Variants in TRPV2 observed in about 807,000 individuals in gnomAD.
The protein encoded by TRPV2 is OTRPC2.
Under a neutral mutation model 91.0 loss-of-function variants are expected in TRPV2, and 58 were observed. That is an observed-to-expected ratio of 0.64 (90% CI 0.52 to 0.79). The LOEUF is 0.79. Ranked by LOEUF, TRPV2 falls within the 30% of genes least tolerant of loss-of-function variation. TRPV2 has a pLI of 0.00. For missense variants in TRPV2, 807 were observed against 969.6 expected, an observed-to-expected ratio of 0.83 and a Z score of 2.23; for synonymous variants, 417 against 414.8, an observed-to-expected ratio of 1.01 and a Z score of -0.06.
intron 10 of TRPV2, among the ~76,000 whole-genome samples, chr17:16,430,114 C>T (rs187404441): frequency 4.0e-4 from 61 of 152,284 alleles, no homozygotes; most frequent in African/African-American, 1.4e-3. Flanking sequence ...ATCCGCCTGC[C>T]TTGGCCTCCC....
chr17:16,431,292 T>TA (rs1491493192), intron 10 of TRPV2, among the ~76,000 whole-genome samples: 2,015 of 15,878 alleles, frequency 0.13, 46 homozygotes, highest in African/African-American at 0.16. Flanking sequence ...TATATACATA[T>TA]TTTTTTTTTT....
In TRPV2 at chr17:16,423,629, C is replaced by T; in HGVS notation, c.786C>T (p.Asn262=). 1 of 1,613,810 alleles carries T rather than the reference C, an allele frequency of 6.2e-7. No homozygotes were observed. Among genetic ancestry groups the T allele is most frequent in the Non-Finnish European group, 8.5e-7 (1 of 1,179,922 alleles). Residue 262 remains asparagine, a synonymous_variant, in exon 5 of 15, where the codon AAC becomes AAT. Transcript: ENST00000338560. The part of the protein sequence containing the change: ...LVMISDNSAE[N]IALVTSMYDG... ...TGATCTCGGACAACTCAGCTGAGAA[C>T]ATTGCACTGGTGACCAGCATGTATG...
At chr17:16,425,609 G>C (rs2093379271) in intron 5 of TRPV2, among the ~76,000 whole-genome samples, 5 of 152,164 alleles carry the variant, frequency 3.3e-5, no homozygotes, top group Admixed American at 3.3e-4. Context: ...TTCTTGTCTA[G>C]AGGCACTGCT....
chr17:16,418,593 G>T (rs953375878), intron 2 of TRPV2, among the ~76,000 whole-genome samples: 1 of 152,096 alleles, frequency 6.6e-6, no homozygotes, highest in Non-Finnish European at 1.5e-5. Flanking sequence ...GCTGCTTCCT[G>T]TTTGTGCTGG....
chr17:16,418,039 C>T (rs2093339867), intron 2 of TRPV2, among the ~76,000 whole-genome samples, 171 bp downstream of exon 2: 1 of 152,242 alleles, frequency 6.6e-6, no homozygotes, highest in Non-Finnish European at 1.5e-5. Flanking sequence ...TCTGCTCTGC[C>T]ATCTGGCATT....
intron 12 of TRPV2, among the ~76,000 whole-genome samples, chr17:16,432,542 G>A (rs1394226091): frequency 6.6e-6 from 1 of 151,060 alleles, no homozygotes; most frequent in Non-Finnish European, 1.5e-5. Context: ...CTGAGCTCAA[G>A]TGATCCTCCT....
At chr17:16,422,559 T>G in intron 3 of TRPV2, 40 bp from the exon 4 acceptor site, 1 of 1,589,960 alleles carries the variant, frequency 6.3e-7, no homozygotes, top group Non-Finnish European at 8.6e-7. Context: ...ACTCCAGGTC[T>G]CAGCACCACT....
At chr17:16,428,741 C>T in intron 9 of TRPV2, 76 bp from the exon 10 acceptor site, 4 of 1,571,864 alleles carry the variant, frequency 2.5e-6, no homozygotes, top group Non-Finnish European at 3.5e-6. Flanking sequence ...AGGTCAGGAC[C>T]TTGGTCAGCA....
chr17:16,430,247 A>C, intron 10 of TRPV2, among the ~76,000 whole-genome samples: 1 of 151,858 alleles, frequency 6.6e-6, no homozygotes, highest in Admixed American at 6.6e-5. Flanking sequence ...ACCACCATCC[A>C]ACTCCAGAAC....
At chr17:16,425,402 C>T (rs962485707) in intron 5 of TRPV2, among the ~76,000 whole-genome samples, 4 of 152,210 alleles carry the variant, frequency 2.6e-5, no homozygotes, top group African/African-American at 9.6e-5. Flanking sequence ...GAGGCAGCCC[C>T]CACTTTGTTC....
Position 16,422,652 on chromosome 17 carries a change from G to A in TRPV2, c.388G>A (p.Gly130Arg), listed in dbSNP as rs200299298. The A allele has an allele frequency of 1.1e-4, 172 of 1,613,984 alleles. No individual in the cohort carries two copies. Among genetic ancestry groups the A allele is most frequent in the Non-Finnish European group, 1.4e-4 (161 of 1,180,016 alleles). The change falls in exon 4 of 15, where the codon GGA becomes AGA. Residue 130 changes from glycine to arginine, a missense_variant. Transcript: ENST00000338560. ...LMKAVLNLKD[G>R]VNACILPLLQ... ...GAAGGCTGTGCTGAACCTTAAGGAC[G>A]GAGTCAATGCCTGCATTCTGCCACT...
intron 13 of TRPV2, 106 bp from the exon 14 acceptor site, chr17:16,434,784 G>A (rs1463716437): frequency 1.1e-5 from 12 of 1,066,834 alleles, no homozygotes; most frequent in Non-Finnish European, 1.5e-5. Flanking sequence ...GTGTCCACCA[G>A]AGCATCTCTG....
At chr17:16,418,017 C>T (rs925149540) in intron 2 of TRPV2, 149 bp downstream of exon 2, 18 of 755,716 alleles carry the variant, frequency 2.4e-5, no homozygotes, top group East Asian at 8.1e-5. Flanking sequence ...CTCCTGGGCC[C>T]GACAGGCTGC....
Position 16,422,719 on chromosome 17 carries a change from T to C in TRPV2, c.455T>C (p.Val152Ala). Reference protein sequence around the residue: ...DRDSGNPQPLVNAQCTDDYYR... With the variant: ...DRDSGNPQPLANAQCTDDYYR... ...GACTCTGGCAATCCTCAGCCCCTGGTAAATGCCCAGTGCACAGATGACTAT... is the reference window on the plus strand; with the variant it reads ...GACTCTGGCAATCCTCAGCCCCTGGCAAATGCCCAGTGCACAGATGACTAT... The change falls in exon 4 of 15, where the codon GTA (valine) becomes GCA (alanine). Residue 152 changes from valine (V) to alanine (A), a missense_variant. Coordinates refer to ENST00000338560, the MANE Select transcript of TRPV2 (RefSeq NM_016113.5). 1 of 1,603,776 alleles carries C rather than the reference T, an allele frequency of 6.2e-7. No homozygotes were observed. Among genetic ancestry groups the C allele is most frequent in the Non-Finnish European group, 8.5e-7 (1 of 1,174,602 alleles).
In TRPV2 at chr17:16,418,217, C is replaced by T. The variant is rs1600953779; in HGVS notation, c.200+349C>T. Among the ~76,000 whole-genome samples, 3 of 152,362 alleles carry T rather than the reference C, an allele frequency of 2.0e-5. No individual in the cohort carries two copies. The East Asian group carries it at 5.8e-4, about 29-fold the overall frequency. ...GTTGGGGAAGGCAGCAGGATCCACACTCCATCCAGTGAGAATCAAGGACAT... is the reference window on the plus strand; with the variant it reads ...GTTGGGGAAGGCAGCAGGATCCACATTCCATCCAGTGAGAATCAAGGACAT... On this transcript the variant is annotated intron_variant, in intron 2 of 14. Transcript: ENST00000338560.
In TRPV2 at chr17:16,415,852, C is replaced by G. The variant is rs4561507; in HGVS notation, c.-108+19C>G. ...CTGCGGGGTAAGTCGGTGGGCAATG[C>G]TGGGGACGTTGGAGGGGGCCGGGTC... On this transcript the variant is annotated intron_variant, in intron 1 of 14. Transcript: ENST00000338560. The surrounding 1 kb of genome is among the most constrained non-coding windows in gnomAD (Gnocchi z 4.5). 41,574 of 152,322 alleles carry G rather than the reference C, an allele frequency of 0.27. 5,845 individuals carry two copies. The highest frequency in any genetic ancestry group is 0.35 in the African/African-American group (14,454 of 41,480). 9.4% of individuals were successfully genotyped at this position (152,322 alleles called of 1,614,324 possible).
chr17:16,430,086 A>C (rs1309329815), intron 10 of TRPV2, among the ~76,000 whole-genome samples: 1 of 152,080 alleles, frequency 6.6e-6, no homozygotes, highest in Non-Finnish European at 1.5e-5. Flanking sequence ...GCTGGTCTCA[A>C]ACTCCTGACC....
At position 16,417,633 on chromosome 17, in the gene TRPV2, G is replaced by A. The variant is rs528539142; in HGVS notation, c.-36G>A. ...CCCTTGACATCTCCATCTGCACAGA[G>A]GTCCTGGCTGGACCGAGCAGCCTCC... On this transcript the variant is annotated 5_prime_UTR_variant, in exon 2 of 15. Coordinates refer to ENST00000338560, the MANE Select transcript of TRPV2 (RefSeq NM_016113.5). 1.1e-5 allele frequency: 18 copies of A among 1,610,048 alleles called. No homozygotes were observed. In the African/African-American group the frequency reaches 2.4e-4, roughly 21 times the overall value.
intron 10 of TRPV2, among the ~76,000 whole-genome samples, chr17:16,431,290 T>TAC (rs1449556343): frequency 3.4e-4 from 7 of 20,584 alleles, no homozygotes; most frequent in Non-Finnish European, 5.2e-4. Flanking sequence ...TATATATACA[T>TAC]ATTTTTTTTT....
Sources: gnomAD v4.1 joint callset for allele counts (sites outside exome capture counted in the v4.1 genomes callset) on GRCh38, gnomAD v4.1.1 for gene constraint, Gnocchi (gnomAD v3.1) non-coding constraint, MANE v1.5 for transcripts, NCBI Gene and HGNC (gene_info 2026-07-23, HGNC 2026-07-21) for gene names.